Variants in FAT1 observed in about 807,000 individuals in gnomAD.
The protein encoded by FAT1 is FAT atypical cadherin 1, also known as protocadherin Fat 1.
Under a neutral mutation model 329.8 loss-of-function variants are expected in FAT1, and 171 were observed. The ratio of observed to expected loss-of-function variants is 0.52; its 90% CI spans 0.46 to 0.59. The LOEUF is 0.59. FAT1 is among the 20% of genes least tolerant of loss of function. The probability of loss-of-function intolerance (pLI) is 0.00; values close to 1 mark genes in which losing one functional copy is unlikely to be tolerated. For synonymous variants in FAT1, 2,233 were observed against 2,228.6 expected, an observed-to-expected ratio of 1.00 and a Z score of -0.06; for missense variants, 5,672 against 5,774.4, an observed-to-expected ratio of 0.98 and a Z score of 0.57.
chr4:186,701,632 C>T (rs184644285), intron 2 of FAT1, among the ~76,000 whole-genome samples: 25 of 152,324 alleles, frequency 1.6e-4, no homozygotes, highest in African/African-American at 6.0e-4. Flanking sequence ...ACCCAGCTCT[C>T]AGCCACTTGC....
At chr4:186,630,652 G>A (rs566283527) in intron 7 of FAT1, among the ~76,000 whole-genome samples, 1 of 152,216 alleles carries the variant, frequency 6.6e-6, no homozygotes, top group South Asian at 2.1e-4. Context: ...AGAACGTGAA[G>A]AACAAGCACC....
intron 2 of FAT1, among the ~76,000 whole-genome samples, chr4:186,692,368 A>T (rs913039731): frequency 6.6e-6 from 1 of 151,890 alleles, no homozygotes; most frequent in Non-Finnish European, 1.5e-5. Flanking sequence ...GCTGGAGTGC[A>T]GTGGCGCAAT....
chr4:186,711,926 A>G (rs1238133940), intron 1 of FAT1, among the ~76,000 whole-genome samples: 2 of 152,104 alleles, frequency 1.3e-5, no homozygotes, highest in Non-Finnish European at 2.9e-5. Flanking sequence ...TCTCAAAAAC[A>G]AAAAAACAAA....
In FAT1 at chr4:186,706,712, T is replaced by A; in HGVS notation, c.3116A>T (p.Glu1039Val). The A allele has an allele frequency of 1.2e-6, 2 of 1,613,952 alleles. No homozygotes were observed. Among genetic ancestry groups the A allele is most frequent in the Non-Finnish European group, 1.7e-6 (2 of 1,179,878 alleles). The change falls in exon 2 of 27, where the codon GAA (glutamate) becomes GTA (valine). Residue 1039 changes from glutamate (E) to valine (V), a missense_variant. This residue lies in a region of FAT1 where 3,966 missense variants were observed against 3,915.2 expected (regional missense o/e 1.01). Transcript: ENST00000441802. The part of the protein sequence containing the change: ...LHPPVFSSFV[E>V]KGTVKEDAPV... ...TGCATCTTCTTTCACTGTCCCCTTT[T>A]CCACAAAGCTGGAAAACACGGGTGG...
rs778226262 is a variant in FAT1 at position 186,619,489 on chromosome 4, C to G, written c.7097G>C (p.Gly2366Ala). 1.2e-6 allele frequency: 2 copies of G among 1,613,956 alleles called. No homozygotes were observed. Among genetic ancestry groups the G allele is most frequent in the Admixed American group, 1.7e-5 (1 of 60,024 alleles). Residue 2366 changes from glycine to alanine, a missense_variant, in exon 10 of 27, where the codon GGT (glycine) becomes GCT (alanine). Gly to Ala is a moderately conservative substitution (Grantham distance 60). Coordinates refer to ENST00000441802, the MANE Select transcript of FAT1 (RefSeq NM_005245.4). ...CACATCACTGCTCAGCGTGGGCATA[C>G]CACCATCAACTGCCCTCACAAAAAT... ...HTIFVRAVDG[G>A]MPTLSSDVIV... is the part of the protein sequence containing the mutation.
chr4:186,708,627 C>T lies in FAT1; in HGVS notation c.1201G>A (p.Val401Ile), dbSNP rs1470996737. ...AIPAYSHLRY[V>I]FKSTPGKAKF... ...GCTTTTCCAGGTGTACTTTTAAAAA[C>T]ATACCTCAAATGGGAATAAGCAGGA... Residue 401 changes from valine to isoleucine, a missense_variant, in exon 2 of 27, where the codon GTT (valine) becomes ATT (isoleucine). Val to Ile is a conservative substitution (Grantham distance 29). Around this residue, in one of 2 missense-constraint regions of FAT1, gnomAD observed 3,966 missense variants for 3,915.2 expected, o/e 1.01. Coordinates refer to ENST00000441802, the MANE Select transcript of FAT1 (RefSeq NM_005245.4). 5 of 1,613,842 alleles carry T rather than the reference C, an allele frequency of 3.1e-6. No individual in the cohort carries two copies. Among genetic ancestry groups the T allele is most frequent in the Non-Finnish European group, 8.5e-7 (1 of 1,179,890 alleles).
intron 6 of FAT1, 23 bp downstream of exon 6, chr4:186,636,002 C>T (rs775596079): frequency 6.8e-6 from 11 of 1,610,928 alleles, no homozygotes; most frequent in African/African-American, 2.7e-5. Context: ...ATACGGACAA[C>T]GAAAATGAGG....
chr4:186,633,790 T>C lies in FAT1; in HGVS notation c.4217A>G (p.Lys1406Arg), dbSNP rs781608668. 1.9e-6 allele frequency: 3 copies of C among 1,614,000 alleles called. No individual in the cohort carries two copies. The highest frequency in any genetic ancestry group is 8.5e-7 in the Non-Finnish European group (1 of 1,179,868). The change falls in exon 7 of 27, where the codon AAG becomes AGG. Residue 1406 changes from lysine (K) to arginine (R), a missense_variant. Lys to Arg is a conservative substitution (Grantham distance 26). This residue lies in a region of FAT1 where 3,966 missense variants were observed against 3,915.2 expected (regional missense o/e 1.01). Transcript: ENST00000441802. ...GNYDSHFDVD[K>R]GTGTIIVAKP... Reference sequence around the variant, plus strand: ...GGCAACAATGATGGTTCCAGTTCCCTTGTCCACATCGAAGTGACTGTCGTA... The same window carrying C: ...GGCAACAATGATGGTTCCAGTTCCCCTGTCCACATCGAAGTGACTGTCGTA...
At chr4:186,718,198 C>T (rs327099) in intron 1 of FAT1, among the ~76,000 whole-genome samples, 47,127 of 151,930 alleles carry the variant, frequency 0.31, 8,745 homozygotes, top group African/African-American at 0.52. Flanking sequence ...TTCCCTCCTC[C>T]TCTTAAAATG....
chr4:186,592,670 A>C (rs1738302526), intron 26 of FAT1: 1 of 456,372 alleles, frequency 2.2e-6, no homozygotes, highest in Non-Finnish European at 4.4e-6. Flanking sequence ...CACAGACACA[A>C]GCACGAGCAC....
At position 186,609,793 on chromosome 4, in the gene FAT1, A is replaced by G; in HGVS notation, c.10068+8T>C. On this transcript the variant is annotated splice_region_variant and intron_variant, in intron 15 of 26. Transcript: ENST00000441802. Reference sequence around the variant, plus strand: ...CAGTTTTCACTGTAATGGGGAAAAAATACACACCGTGATGACAGACTGCTC... The same window carrying G: ...CAGTTTTCACTGTAATGGGGAAAAAGTACACACCGTGATGACAGACTGCTC... The G allele has an allele frequency of 6.2e-7, 1 of 1,600,566 alleles. No individual in the cohort carries two copies.
At chr4:186,670,555 A>G (rs192114183) in intron 2 of FAT1, among the ~76,000 whole-genome samples, 3 of 152,332 alleles carry the variant, frequency 2.0e-5, no homozygotes, top group Admixed American at 6.5e-5. Flanking sequence ...ATTAATCTAT[A>G]AACGGTTATT....
At chr4:186,649,894 C>G (rs1186936776) in intron 3 of FAT1, among the ~76,000 whole-genome samples, 1 of 152,116 alleles carries the variant, frequency 6.6e-6, no homozygotes, top group South Asian at 2.1e-4. Flanking sequence ...TACTAATACA[C>G]CTTTTTATTT....
At chr4:186,694,940 C>G (rs549851091) in intron 2 of FAT1, among the ~76,000 whole-genome samples, 1 of 152,228 alleles carries the variant, frequency 6.6e-6, no homozygotes, top group African/African-American at 2.4e-5. Flanking sequence ...CCAGCCTGGG[C>G]AACAGAGCGA....
At chr4:186,659,567 T>C (rs1260741077) in intron 3 of FAT1, among the ~76,000 whole-genome samples, 1 of 152,164 alleles carries the variant, frequency 6.6e-6, no homozygotes, top group East Asian at 1.9e-4. Context: ...GTGGCACCTG[T>C]CCCCTGAACG....
intron 9 of FAT1, among the ~76,000 whole-genome samples, chr4:186,623,079 A>G (rs1324743729): frequency 6.6e-6 from 1 of 152,074 alleles, no homozygotes; most frequent in Non-Finnish European, 1.5e-5. Context: ...ATCCACGGCC[A>G]TTTTTTAGAG....
At chr4:186,700,995 C>T (rs1044348819) in intron 2 of FAT1, among the ~76,000 whole-genome samples, 14 of 152,158 alleles carry the variant, frequency 9.2e-5, no homozygotes, top group Non-Finnish European at 1.3e-4. Flanking sequence ...CATCACAGCA[C>T]GGTAAGCGTC....
chr4:186,595,957 A>G, intron 25 of FAT1, 131 bp from the exon 26 acceptor site: 1 of 921,210 alleles, frequency 1.1e-6, no homozygotes, highest in Non-Finnish European at 1.6e-6. Context: ...ACTGAAAGAA[A>G]AACAGAAACA....
At position 186,708,247 on chromosome 4, in the gene FAT1, G is replaced by A. The variant is rs758903376; in HGVS notation, c.1581C>T (p.Tyr527=). 34 of 1,613,828 alleles carry A rather than the reference G, an allele frequency of 2.1e-5. No individual in the cohort carries two copies. Among genetic ancestry groups the A allele is most frequent in the Non-Finnish European group, 2.5e-5 (30 of 1,179,892 alleles). ...GAGTATAAACCCGAGGCATCAGTTCGTAGTCCAGGTTTTCTGACGTACTCA... is the reference window on the plus strand; with the variant it reads ...GAGTATAAACCCGAGGCATCAGTTCATAGTCCAGGTTTTCTGACGTACTCA... The part of the protein sequence containing the change: ...GAVSTSENLD[Y]ELMPRVYTLR... Residue 527 remains tyrosine, a synonymous_variant, in exon 2 of 27, where the codon TAC becomes TAT. Transcript: ENST00000441802.
Sources: gnomAD v4.1 joint callset for allele counts (sites outside exome capture counted in the v4.1 genomes callset) on GRCh38, gnomAD v4.1.1 for gene constraint, gnomAD v4.1.1 regional missense constraint, MANE v1.5 for transcripts, NCBI Gene and HGNC (gene_info 2026-07-23, HGNC 2026-07-21) for gene names.